The following RGPD3 variants were observed in gnomAD, a reference collection of about 807,000 sequenced individuals.
RGPD3 encodes the protein ranBP2-like and GRIP domain-containing protein 3.
Under a neutral mutation model 154.5 loss-of-function variants are expected in RGPD3, and 62 were observed. The observed-to-expected ratio is 0.40, with a 90% CI of 0.33 to 0.50. The LOEUF (loss-of-function observed/expected upper bound fraction) is 0.50, where lower values mean the gene tolerates loss of function less well. Among genes scored for constraint, RGPD3 ranks in the 20% least tolerant of loss-of-function variants. The pLI is 0.59. For missense variants in RGPD3, 919 were observed against 1,716.8 expected (o/e 0.54, Z 8.21); for synonymous variants, 308 against 607.0 (o/e 0.51, Z 7.24).
chr2:106,423,935 T>C lies in RGPD3; in HGVS notation c.4032A>G (p.Leu1344=). ...YFEPVVPLPD[L]VEVSSGEENE... ...TTTCCTCACCACTGGATACTTCAAC[T>C]AGATCAGGTAAAGGAACAACAGGTT... Residue 1344 remains leucine (L), a synonymous_variant, in exon 20 of 23, where the codon CTA becomes CTG. Coordinates refer to ENST00000409886, the MANE Select transcript of RGPD3 (RefSeq NM_001144013.2). 1 of 1,611,874 alleles carries C rather than the reference T, an allele frequency of 6.2e-7. No homozygotes were observed. Among genetic ancestry groups the C allele is most frequent in the Non-Finnish European group, 8.5e-7 (1 of 1,179,838 alleles).
chr2:106,424,752 G>C lies in RGPD3; in HGVS notation c.3215C>G (p.Ala1072Gly), dbSNP rs760387418. 5 of 1,611,828 alleles carry C rather than the reference G, an allele frequency of 3.1e-6. No homozygotes were observed. The South Asian group carries it at 5.5e-5, about 18-fold the overall frequency. The change falls in exon 20 of 23, where the codon GCT (alanine) becomes GGT (glycine). Residue 1072 changes from alanine to glycine, a missense_variant. By Grantham distance (60) the Ala-to-Gly change is moderately conservative (BLOSUM62 0). Transcript: ENST00000409886. ...SQGVKLFRFD[A>G]EVSQWKERGL... ...CCTTTCTTTCCACTGACTTACCTCA[G>C]CATCAAATCTAAATAGTTTTACCCC...
chr2:106,414,175 A>G (rs1427365829), intron 21 of RGPD3, among the ~76,000 whole-genome samples: 1 of 152,064 alleles, frequency 6.6e-6, no homozygotes, highest in East Asian at 1.9e-4. Flanking sequence ...TCTTTGAGGA[A>G]GATTTCCAGG....
intron 1 of RGPD3, among the ~76,000 whole-genome samples, chr2:106,462,416 G>A (rs1678431428): frequency 6.6e-6 from 1 of 150,690 alleles, no homozygotes; most frequent in Non-Finnish European, 1.5e-5. Flanking sequence ...TATATAGCTA[G>A]GAAGGAGCAC....
At chr2:106,461,009 G>A (rs1678388987) in intron 1 of RGPD3, among the ~76,000 whole-genome samples, 1 of 49,494 alleles carries the variant, frequency 2.0e-5, no homozygotes, top group Non-Finnish European at 3.6e-5. Flanking sequence ...ATCGAAACAT[G>A]TTTCCTGTTT....
intron 20 of RGPD3, among the ~76,000 whole-genome samples, chr2:106,420,980 A>G (rs1676966908): frequency 6.6e-6 from 1 of 151,984 alleles, no homozygotes; most frequent in Non-Finnish European, 1.5e-5. Context: ...TTTTATTTCT[A>G]TTGGATGTCA....
chr2:106,464,621 T>C (rs1678511146), intron 1 of RGPD3, among the ~76,000 whole-genome samples: 1 of 151,564 alleles, frequency 6.6e-6, no homozygotes, highest in South Asian at 2.1e-4. Context: ...CTTTGAGAAG[T>C]AGGAATCAGC....
upstream of RGPD3, among the ~76,000 whole-genome samples, chr2:106,469,818 C>A (rs553285344): frequency 6.6e-6 from 1 of 152,212 alleles, no homozygotes; most frequent in African/African-American, 2.4e-5. Context: ...ACACAGACAA[C>A]CTCACTTGGA....
In RGPD3 at chr2:106,436,609, G is replaced by A. The variant is rs1573271028; in HGVS notation, c.1459-20C>T. The A allele has an allele frequency of 6.2e-7, 1 of 1,611,208 alleles. No homozygotes were observed. The highest frequency in any genetic ancestry group is 8.5e-7 in the Non-Finnish European group (1 of 1,179,684). On this transcript the variant is annotated intron_variant, in intron 10 of 22. Transcript: ENST00000409886. ...AAATACCTGTTTCATTTAAGGAAAA[G>A]TTAAGTTAGAAAAAAAAATTAAACA...
chr2:106,437,498 C>A (rs374248782), intron 9 of RGPD3, among the ~76,000 whole-genome samples: 1 of 151,712 alleles, frequency 6.6e-6, no homozygotes, highest in Non-Finnish European at 1.5e-5. Flanking sequence ...GGTGACAGAG[C>A]GAGACTCTGT....
chr2:106,409,075 A>T (rs933762405), intron 22 of RGPD3, among the ~76,000 whole-genome samples: 7 of 152,154 alleles, frequency 4.6e-5, no homozygotes, highest in African/African-American at 1.7e-4. Context: ...TGAATGAAAA[A>T]TACTATTATA....
chr2:106,449,604 G>A (rs1248193679), intron 6 of RGPD3, among the ~76,000 whole-genome samples: 1 of 151,958 alleles, frequency 6.6e-6, no homozygotes, highest in African/African-American at 2.4e-5. Flanking sequence ...ACGGCCGGGT[G>A]CAGTGGCTCA....
intron 20 of RGPD3, among the ~76,000 whole-genome samples, 174 bp downstream of exon 20, chr2:106,422,869 T>A (rs72627452): frequency 0.16 from 24,229 of 151,966 alleles, 2,507 homozygotes; most frequent in East Asian, 0.61. Context: ...GTTCTCTTGC[T>A]CTTTGAAACC....
At chr2:106,410,966 A>G (rs1676652796) in intron 22 of RGPD3, among the ~76,000 whole-genome samples, 1 of 151,564 alleles carries the variant, frequency 6.6e-6, no homozygotes. Context: ...ATAAAAAACC[A>G]GATTCAAAGA....
At chr2:106,470,820 A>T, upstream of RGPD3, 1 of 1,604,180 alleles carries the variant, frequency 6.2e-7, no homozygotes, top group South Asian at 1.1e-5. Flanking sequence ...TGATCCAAGG[A>T]GTTTACTAAG....
At chr2:106,465,111 C>T (rs533640867) in intron 1 of RGPD3, among the ~76,000 whole-genome samples, 1 of 151,330 alleles carries the variant, frequency 6.6e-6, no homozygotes, top group African/African-American at 2.4e-5. Flanking sequence ...TCCAAAACTC[C>T]GACATTCTAG....
At chr2:106,412,064 A>G (rs528677513) in intron 22 of RGPD3, among the ~76,000 whole-genome samples, 2 of 146,966 alleles carry the variant, frequency 1.4e-5, no homozygotes, top group South Asian at 4.6e-4. Context: ...TGAGTTGAAA[A>G]CTGTTAGAGA....
chr2:106,406,153 A>C (rs1676509081), intron 22 of RGPD3, among the ~76,000 whole-genome samples: 1 of 146,438 alleles, frequency 6.8e-6, no homozygotes, highest in Admixed American at 6.9e-5. Context: ...ACAAACAAAA[A>C]CCAAAGTTTT....
chr2:106,462,761 A>C (rs1306490025), intron 1 of RGPD3, among the ~76,000 whole-genome samples: 64 of 149,912 alleles, frequency 4.3e-4, no homozygotes, highest in Middle Eastern at 6.9e-3. Flanking sequence ...CCTCCCCCTA[A>C]AATCCTCCAA....
chr2:106,424,686 C>G lies in RGPD3; in HGVS notation c.3281G>C (p.Gly1094Ala). 1 of 1,611,968 alleles carries G rather than the reference C, an allele frequency of 6.2e-7. No individual in the cohort carries two copies. Among genetic ancestry groups the G allele is most frequent in the South Asian group, 1.1e-5 (1 of 90,982 alleles). The change falls in exon 20 of 23, where the codon GGC becomes GCC. Residue 1094 changes from glycine to alanine, a missense_variant. Transcript: ENST00000409886. ...NLKILKNEVN[G>A]KVRMLMQREQ... Reference sequence around the variant, plus strand: ...TCTTTGCATCAGCATTCTTACTTTGCCATTGACCTCGTTTTTGAGAATTTT... The same window carrying G: ...TCTTTGCATCAGCATTCTTACTTTGGCATTGACCTCGTTTTTGAGAATTTT...
Sources: allele counts gnomAD v4.1 joint callset (sites outside exome capture counted in the v4.1 genomes callset), GRCh38; gene constraint gnomAD v4.1.1; transcripts MANE v1.5; gene names NCBI Gene and HGNC (gene_info 2026-07-23, HGNC 2026-07-21).